Variants in CXCL2 observed in about 807,000 individuals in gnomAD.
CXCL2 encodes the protein C-X-C motif chemokine 2.
In CXCL2, 12 loss-of-function variants were observed where a neutral mutation model predicts 11.2. That is an observed-to-expected ratio of 1.08 (90% CI 0.69 to 1.74). The LOEUF is 1.74. Among genes scored for constraint, CXCL2 ranks in the 40% most tolerant of loss-of-function variants. CXCL2 has a pLI of 0.00. For synonymous variants in CXCL2, 68 were observed against 61.9 expected (o/e 1.10, Z -0.47); for missense variants, 120 against 137.8 (o/e 0.87, Z 0.65).
chr4:74,098,848 T>C lies in CXCL2; in HGVS notation c.175A>G (p.Ser59Gly), dbSNP rs1721340282. The change falls in exon 2 of 4, where the codon AGT becomes GGT. Residue 59 changes from serine (S) to glycine (G), a missense_variant. Physicochemically the swap from Ser to Gly is moderately conservative, Grantham distance 56. Transcript: ENST00000508487. ...LQGIHLKNIQ[S>G]VKVKSPGPHC... Reference sequence around the variant, plus strand: ...GGTCCGGGGGACTTCACCTTCACACTTTGGATGTTCTTGAGGTGAATTCCC... The same window carrying C: ...GGTCCGGGGGACTTCACCTTCACACCTTGGATGTTCTTGAGGTGAATTCCC... 1 of 1,614,074 alleles carries C rather than the reference T, an allele frequency of 6.2e-7. No individual in the cohort carries two copies.
chr4:74,097,736 A>T lies in CXCL2; in HGVS notation c.*20T>A. 1 of 1,599,294 alleles carries T rather than the reference A, an allele frequency of 6.3e-7. No homozygotes were observed. Among genetic ancestry groups the T allele is most frequent in the Non-Finnish European group, 8.5e-7 (1 of 1,171,494 alleles). On this transcript the variant is annotated 3_prime_UTR_variant, in exon 4 of 4. Coordinates refer to ENST00000508487, the MANE Select transcript of CXCL2 (RefSeq NM_002089.4). ...CCTCCTTCAGGAACAGCCACCAATA[A>T]GCTTCCTCCTTCCTTCTGGTCAGTT...
Position 74,098,846 on chromosome 4 carries a change from A to G in CXCL2, c.177T>C (p.Ser59=). The change falls in exon 2 of 4, where the codon AGT becomes AGC. Residue 59 remains serine (S), a synonymous_variant. Coordinates refer to ENST00000508487, the MANE Select transcript of CXCL2 (RefSeq NM_002089.4). ...GGGGTCCGGGGGACTTCACCTTCAC[A>G]CTTTGGATGTTCTTGAGGTGAATTC... ...LQGIHLKNIQ[S]VKVKSPGPHC... The G allele has an allele frequency of 6.2e-7, 1 of 1,614,148 alleles. No individual in the cohort carries two copies. The highest frequency in any genetic ancestry group is 8.5e-7 in the Non-Finnish European group (1 of 1,180,020).
chr4:74,098,697 G>A lies in CXCL2; in HGVS notation c.225-13C>T, dbSNP rs1721334571. On this transcript the variant is annotated splice_polypyrimidine_tract_variant and intron_variant, in intron 2 of 3. Coordinates refer to ENST00000508487, the MANE Select transcript of CXCL2 (RefSeq NM_002089.4). The stretch of plus-strand genomic sequence containing the variant: ...CTTGAGTGTGGCTCTGCAGAGAGAA[G>A]GGAATCTCGTGAGACAGGAGGTCGG... The A allele has an allele frequency of 6.8e-6, 11 of 1,614,006 alleles. No individual in the cohort carries two copies. Among genetic ancestry groups the A allele is most frequent in the African/African-American group, 1.3e-5 (1 of 74,910 alleles).
rs764022735 is a variant in CXCL2, at chr4:74,098,829, G to A, written c.194C>T (p.Pro65Leu). 1 of 1,614,158 alleles carries A rather than the reference G, an allele frequency of 6.2e-7. No individual in the cohort carries two copies. Among genetic ancestry groups the A allele is most frequent in the Non-Finnish European group, 8.5e-7 (1 of 1,180,026 alleles). The part of the protein sequence containing the change: ...KNIQSVKVKS[P>L]GPHCAQTEVI... ...TTCGGTTTGGGCGCAGTGGGGTCCGGGGGACTTCACCTTCACACTTTGGAT... is the reference window on the plus strand; with the variant it reads ...TTCGGTTTGGGCGCAGTGGGGTCCGAGGGACTTCACCTTCACACTTTGGAT... Residue 65 changes from proline (P) to leucine (L), a missense_variant, in exon 2 of 4, where the codon CCC becomes CTC. Physicochemically the swap from Pro to Leu is moderately conservative, Grantham distance 98. Coordinates refer to ENST00000508487, the MANE Select transcript of CXCL2 (RefSeq NM_002089.4).
chr4:74,099,138 T>A lies in CXCL2; in HGVS notation c.-18A>T, dbSNP rs1231297685. The stretch of plus-strand genomic sequence containing the variant: ...CGGGCCATGGGGCTCAGCAGGCGGT[T>A]CGAGCGGCTGTGCGAGGAGGAGAGC... On this transcript the variant is annotated 5_prime_UTR_variant, in exon 1 of 4. Coordinates refer to ENST00000508487, the MANE Select transcript of CXCL2 (RefSeq NM_002089.4). 2 of 1,479,164 alleles carry A rather than the reference T, an allele frequency of 1.4e-6. No homozygotes were observed. The highest frequency in any genetic ancestry group is 8.9e-7 in the Non-Finnish European group (1 of 1,118,078). The allele number at this position is 1,479,164 out of a possible 1,614,324, so 91.6% of individuals were successfully genotyped here.
chr4:74,099,016 C>A lies in CXCL2; in HGVS notation c.100+5G>T. 2.0e-6 allele frequency: 3 copies of A among 1,516,266 alleles called. No homozygotes were observed. The highest frequency in any genetic ancestry group is 2.6e-6 in the Non-Finnish European group (3 of 1,137,348). The allele number at this position is 1,516,266 out of a possible 1,614,324, so 93.9% of individuals were successfully genotyped here. ...GCCCGGGGACCCCAGGGCGCCGGGA[C>A]CCACCTGCTGCGCGCCGGCTGGCGG... On this transcript the variant is annotated splice_donor_5th_base_variant and intron_variant, in intron 1 of 3. Transcript: ENST00000508487.
chr4:74,097,769 C>T lies in CXCL2; in HGVS notation c.311G>A (p.Gly104Asp), dbSNP rs374968834. The T allele has an allele frequency of 2.0e-5, 32 of 1,601,152 alleles. No homozygotes were observed. Among genetic ancestry groups the T allele is most frequent in the Non-Finnish European group, 2.2e-5 (26 of 1,172,334 alleles). ...CCTTCCTTCTGGTCAGTTGGATTTG[C>T]CACTGTAATGAGAAAATGGGTGCCC... ...KKIIEKMLKN[G>D]KSN The change falls in exon 4 of 4, where the codon GGC becomes GAC. Residue 104 changes from glycine to aspartate, a missense_variant and splice_region_variant. Physicochemically the swap from Gly to Asp is moderately conservative, Grantham distance 94. Transcript: ENST00000508487.
intron 3 of CXCL2, among the ~76,000 whole-genome samples, chr4:74,098,156 C>G (rs1431240329): frequency 6.6e-6 from 1 of 152,156 alleles, no homozygotes; most frequent in East Asian, 1.9e-4. Flanking sequence ...AGTGACATGG[C>G]TAATAGGTGG....
chr4:74,098,427 A>C, intron 3 of CXCL2, 174 bp downstream of exon 3: 2 of 673,446 alleles, frequency 3.0e-6, no homozygotes, highest in Middle Eastern at 4.4e-4. Context: ...GGCACTGGGA[A>C]TATCCTCTGG....
chr4:74,098,723 G>A (rs1174564309), intron 2 of CXCL2, 39 bp from the exon 3 acceptor site: 1 of 1,613,884 alleles, frequency 6.2e-7, no homozygotes, highest in Non-Finnish European at 8.5e-7. Flanking sequence ...AGGAGGTCGG[G>A]CTGAGGACAG....
Position 74,097,184 on chromosome 4 carries a change from G to A in CXCL2, c.*572C>T, listed in dbSNP as rs1455763243. 6.6e-6 allele frequency: 1 copy of A among 152,096 alleles called. No individual in the cohort carries two copies. Among genetic ancestry groups the A allele is most frequent in the Non-Finnish European group, 1.5e-5 (1 of 68,014 alleles). 9.4% of individuals were successfully genotyped at this position (152,096 alleles called of 1,614,324 possible). A position where few individuals can be genotyped will look rare whatever the true frequency, so the allele number is the denominator to read the frequency against. On this transcript the variant is annotated 3_prime_UTR_variant, in exon 4 of 4. Coordinates refer to ENST00000508487, the MANE Select transcript of CXCL2 (RefSeq NM_002089.4). The stretch of plus-strand genomic sequence containing the variant: ...ACAAGAAAGACATAAAATGTCCAAG[G>A]GATATTTAGAACATTTTAGTTCTTA...
At chr4:74,098,362 A>G (rs1721325973) in intron 3 of CXCL2, among the ~76,000 whole-genome samples, 1 of 152,208 alleles carries the variant, frequency 6.6e-6, no homozygotes, top group African/African-American at 2.4e-5. Flanking sequence ...CCTTACATGA[A>G]AGCAGTTTTA....
rs186397980 is a variant in CXCL2 at position 74,099,113 on chromosome 4, C to T, written c.8G>A (p.Arg3His). Residue 3 changes from arginine to histidine, a missense_variant, in exon 1 of 4, where the codon CGC becomes CAC. By Grantham distance (29) the Arg-to-His change is conservative. Transcript: ENST00000508487. MA[R>H]ATLSAAPSNP... ...GCTGGGGGCGGCGGAGAGCGTGGCG[C>T]GGGCCATGGGGCTCAGCAGGCGGTT... 0.022 allele frequency: 32,769 copies of T among 1,494,498 alleles called. 445 individuals are homozygous for T. The highest frequency in any genetic ancestry group is 0.026 in the Non-Finnish European group (29,579 of 1,124,016). 92.6% of individuals were successfully genotyped at this position (1,494,498 alleles called of 1,614,324 possible).
intron 3 of CXCL2, 127 bp from the exon 4 acceptor site, chr4:74,097,898 G>A (rs1721316075): frequency 3.1e-6 from 3 of 974,900 alleles, no homozygotes; most frequent in African/African-American, 3.3e-5. Context: ...TGGCACCCAA[G>A]TGGGTACTGC....
At position 74,097,215 on chromosome 4, in the gene CXCL2, T is replaced by C. The variant is rs1354702065; in HGVS notation, c.*541A>G. On this transcript the variant is annotated 3_prime_UTR_variant, in exon 4 of 4. Coordinates refer to ENST00000508487, the MANE Select transcript of CXCL2 (RefSeq NM_002089.4). The stretch of plus-strand genomic sequence containing the variant: ...TTAGAACATTTTAGTTCTTAAAGCT[T>C]CAACATGAGAAATGTTGACCACACA... The C allele has an allele frequency of 1.3e-5, 2 of 152,208 alleles. No individual in the cohort carries two copies. Among genetic ancestry groups the C allele is most frequent in the African/African-American group, 4.8e-5 (2 of 41,440 alleles). 9.4% of individuals were successfully genotyped at this position (152,208 alleles called of 1,614,324 possible).
intron 3 of CXCL2, among the ~76,000 whole-genome samples, chr4:74,098,233 A>G (rs1282874854): frequency 4.6e-5 from 7 of 152,212 alleles, no homozygotes; most frequent in Admixed American, 4.6e-4. Flanking sequence ...CTAAACTTTT[A>G]CAAAAAACCA....
At chr4:74,098,956 C>G (rs746161349) in intron 1 of CXCL2, 34 bp from the exon 2 acceptor site, 1 of 1,598,644 alleles carries the variant, frequency 6.3e-7, no homozygotes, top group Admixed American at 1.7e-5. Flanking sequence ...TTGAGCGGGG[C>G]TGTCGGCGCG....
intron 1 of CXCL2, 39 bp from the exon 2 acceptor site, chr4:74,098,961 G>C (rs1215183568): frequency 6.3e-7 from 1 of 1,596,312 alleles, no homozygotes; most frequent in Admixed American, 1.8e-5. Flanking sequence ...CGGGGCTGTC[G>C]GCGCGGGGCG....
At chr4:74,097,912 T>C (rs945073955) in intron 3 of CXCL2, 141 bp from the exon 4 acceptor site, 135 of 823,398 alleles carry the variant, frequency 1.6e-4, no homozygotes, top group South Asian at 2.5e-4. Flanking sequence ...GTACTGCCTG[T>C]GACAGCTGTG....
Sources: gnomAD v4.1 joint callset for allele counts (sites outside exome capture counted in the v4.1 genomes callset) on GRCh38, gnomAD v4.1.1 for gene constraint, MANE v1.5 for transcripts, NCBI Gene and HGNC (gene_info 2026-07-23, HGNC 2026-07-21) for gene names.